CCDC88B: variants seen among roughly 807,000 people sequenced by gnomAD.
CCDC88B encodes the protein coiled-coil domain-containing protein 88B.
In CCDC88B, 138 loss-of-function variants were observed where a neutral mutation model predicts 183.7. That is an observed-to-expected ratio of 0.75 (90% CI 0.65 to 0.87). CCDC88B has a LOEUF of 0.87. Among genes scored for constraint, CCDC88B ranks in the 40% least tolerant of loss-of-function variants. CCDC88B has a pLI of 0.00. For synonymous variants in CCDC88B, 835 were observed against 867.5 expected, an observed-to-expected ratio of 0.96 and a Z score of 0.66; for missense variants, 1,822 against 1,965.6, an observed-to-expected ratio of 0.93 and a Z score of 1.38.
At chr11:64,342,218 T>C in intron 8 of CCDC88B, 76 bp from the exon 9 acceptor site, 2 of 1,582,474 alleles carry the variant, frequency 1.3e-6, no homozygotes, top group Middle Eastern at 1.9e-4. Context: ...CCCTGGTGGC[T>C]ACGGGAGGGG....
At chr11:64,349,168 GC>G (rs2036228665) in intron 14 of CCDC88B, 162 bp from the exon 15 acceptor site, 1 of 859,068 alleles carries the variant, frequency 1.2e-6, no homozygotes, top group African/African-American at 1.7e-5. Flanking sequence ...AGGGCCCCAG[GC>G]TTTGCTCCCA....
chr11:64,346,443 ATT>A (rs561099739), intron 14 of CCDC88B, among the ~76,000 whole-genome samples: 7 of 140,126 alleles, frequency 5.0e-5, no homozygotes, highest in African/African-American at 5.3e-5. Context: ...TACTTTTTGT[ATT>A]TTTTTTTTTT....
chr11:64,344,003 C>T lies in CCDC88B; in HGVS notation c.1462C>T (p.Leu488=), dbSNP rs754871463. ...LQGQPGGQHP[L]LEAPREDPVL... is the part of the protein sequence containing the mutation. Reference sequence around the variant, plus strand: ...CCCTCTCGTATGCCCTCAGCACCCCCTGCTGGAGGCACCGAGAGAGGACCC... The same window carrying T: ...CCCTCTCGTATGCCCTCAGCACCCCTTGCTGGAGGCACCGAGAGAGGACCC... The change falls in exon 14 of 27, where the codon CTG becomes TTG. Residue 488 remains leucine, a synonymous_variant. Coordinates refer to ENST00000356786, the MANE Select transcript of CCDC88B (RefSeq NM_032251.6). The surrounding 1 kb of genome is among the most constrained non-coding windows in gnomAD (Gnocchi z 4.5). The T allele has an allele frequency of 1.3e-6, 2 of 1,555,628 alleles. No individual in the cohort carries two copies. The highest frequency in any genetic ancestry group is 1.7e-6 in the Non-Finnish European group (2 of 1,149,084).
chr11:64,352,159 C>A lies in CCDC88B; in HGVS notation c.3129C>A (p.Gly1043=). 2 of 1,594,876 alleles carry A rather than the reference C, an allele frequency of 1.3e-6. No homozygotes were observed. Among genetic ancestry groups the A allele is most frequent in the Non-Finnish European group, 8.6e-7 (1 of 1,167,006 alleles). ...AGAAGTCTGTGCTGGAGATTCAGGG[C>A]CAGGAGCTGCACCGGAAGCTGGAGG... ...QAEKSVLEIQ[G]QELHRKLEVL... is the part of the protein sequence containing the mutation. Residue 1043 remains glycine, a synonymous_variant, in exon 19 of 27, where the codon GGC becomes GGA. Coordinates refer to ENST00000356786, the MANE Select transcript of CCDC88B (RefSeq NM_032251.6).
In CCDC88B at chr11:64,352,207, G is replaced by A. The variant is rs746584078; in HGVS notation, c.3177G>A (p.Ala1059=). 32 of 1,608,772 alleles carry A rather than the reference G, an allele frequency of 2.0e-5. No individual in the cohort carries two copies. The highest frequency in any genetic ancestry group is 1.7e-4 in the Middle Eastern group (1 of 6,014). ...AGGTGCTGGAGGAGGAGGTGCGGGC[G>A]GCACGGCAGTCCCAGGAGGAGACCC... ...KLEVLEEEVR[A]ARQSQEETRG... The change falls in exon 19 of 27, where the codon GCG becomes GCA. Residue 1059 remains alanine, a synonymous_variant. Transcript: ENST00000356786.
At chr11:64,340,419 C>A in intron 1 of CCDC88B, 93 bp downstream of exon 1, 1 of 1,286,894 alleles carries the variant, frequency 7.8e-7, no homozygotes, top group South Asian at 1.9e-5. Flanking sequence ...GAGGCAGAAC[C>A]AGGCCGGAGG....
In CCDC88B at chr11:64,344,448, C is replaced by A; in HGVS notation, c.1907C>A (p.Pro636His). 6 of 1,592,356 alleles carry A rather than the reference C, an allele frequency of 3.8e-6. No individual in the cohort carries two copies. The highest frequency in any genetic ancestry group is 5.1e-6 in the Non-Finnish European group (6 of 1,169,758). Residue 636 changes from proline (P) to histidine (H), a missense_variant, in exon 14 of 27, where the codon CCT becomes CAT. Physicochemically the swap from Pro to His is moderately conservative, Grantham distance 77 (BLOSUM62 -2). Coordinates refer to ENST00000356786, the MANE Select transcript of CCDC88B (RefSeq NM_032251.6). This position sits in a 1 kb window ranked among gnomAD's most constrained non-coding sequence, Gnocchi z 4.5. ...GREAPQGELV[P>H]EAWGLRQEGP... ...GAGGCTCCCCAAGGCGAGTTGGTGCCTGAGGCCTGGGGGTTGAGACAGGAG... is the reference window on the plus strand; with the variant it reads ...GAGGCTCCCCAAGGCGAGTTGGTGCATGAGGCCTGGGGGTTGAGACAGGAG...
chr11:64,349,906 T>C (rs150966892), intron 16 of CCDC88B: 10 of 573,860 alleles, frequency 1.7e-5, no homozygotes, highest in South Asian at 1.3e-4. Flanking sequence ...CTGCTGTGGA[T>C]GACTGCTCCG....
rs914069715 is a variant in CCDC88B at position 64,344,947 on chromosome 11, G to A, written c.2406G>A (p.Gln802=). ...GGGAGGCAGTGGAGGCTGCTGGCCAGGAGCTGGAGTCTGCGTCCCAGGAAC... is the reference window on the plus strand; with the variant it reads ...GGGAGGCAGTGGAGGCTGCTGGCCAAGAGCTGGAGTCTGCGTCCCAGGAAC... ...RLREAVEAAG[Q]ELESASQERE... Residue 802 remains glutamine (Q), a synonymous_variant, in exon 14 of 27, where the codon CAG becomes CAA. Transcript: ENST00000356786. This position sits in a 1 kb window ranked among gnomAD's most constrained non-coding sequence, Gnocchi z 4.5. The A allele has an allele frequency of 1.3e-6, 2 of 1,556,010 alleles. No individual in the cohort carries two copies. Among genetic ancestry groups the A allele is most frequent in the Non-Finnish European group, 1.7e-6 (2 of 1,151,084 alleles).
In CCDC88B at chr11:64,355,638, G is replaced by A. The variant is rs745658154; in HGVS notation, c.4375+10G>A. ...GATGCCAACCGAGAGGGTGAGTGGG[G>A]GACTGTGGAAGGAGTAGTATTCTTT... On this transcript the variant is annotated intron_variant, in intron 26 of 26. Coordinates refer to ENST00000356786, the MANE Select transcript of CCDC88B (RefSeq NM_032251.6). 5 of 1,606,004 alleles carry A rather than the reference G, an allele frequency of 3.1e-6. No individual in the cohort carries two copies. The South Asian group carries it at 4.4e-5, about 14-fold the overall frequency.
Position 64,344,567 on chromosome 11 carries a change from C to G in CCDC88B, c.2026C>G (p.Gln676Glu). The change falls in exon 14 of 27, where the codon CAA becomes GAA. Residue 676 changes from glutamine to glutamate, a missense_variant. Physicochemically the swap from Gln to Glu is conservative, Grantham distance 29. Transcript: ENST00000356786. This position sits in a 1 kb window ranked among gnomAD's most constrained non-coding sequence, Gnocchi z 4.5. ...PNQGLDLATGQAEAREHDQRL... is the reference protein window; with the variant it reads ...PNQGLDLATGEAEAREHDQRL... ...CCAGGGCCTGGACCTGGCCACGGGA[C>G]AAGCAGAGGCCAGAGAGCATGACCA... The G allele has an allele frequency of 6.2e-7, 1 of 1,606,636 alleles. No homozygotes were observed.
In CCDC88B at chr11:64,353,327, C is replaced by T. The variant is rs201419573; in HGVS notation, c.3688-24C>T. The T allele has an allele frequency of 4.6e-4, 743 of 1,610,046 alleles. 4 individuals carry two copies. The East Asian group carries it at 9.9e-3, about 22-fold the overall frequency. On this transcript the variant is annotated intron_variant, in intron 21 of 26. Transcript: ENST00000356786. ...TGGTCCTGAGCTGGGTCCCACCCTC[C>T]GAGCCATGGTGCCCCCCTGCCAGCT...
rs148105094 is a variant in CCDC88B at position 64,353,486 on chromosome 11, C to T, written c.3823C>T (p.Arg1275Trp). The T allele has an allele frequency of 1.1e-4, 182 of 1,611,402 alleles. No individual in the cohort carries two copies. Among genetic ancestry groups the T allele is most frequent in the African/African-American group, 8.1e-4 (61 of 74,986 alleles). The change falls in exon 22 of 27, where the codon CGG (arginine) becomes TGG (tryptophan). Residue 1275 changes from arginine to tryptophan, a missense_variant. By Grantham distance (101) the Arg-to-Trp change is moderately radical (BLOSUM62 -3). Transcript: ENST00000356786. The stretch of plus-strand genomic sequence containing the variant: ...TCGGGACCACCTGCACCGCGAACAG[C>T]GGGAGTACCTGTGAGTGGGCCGCCT... Reference protein sequence around the residue: ...ESRDHLHREQREYLDQLNALR... With the variant: ...ESRDHLHREQWEYLDQLNALR...
chr11:64,345,123 A>T lies in CCDC88B; in HGVS notation c.2582A>T (p.Glu861Val). ...SEGRQHLEEA[E>V]RERREKEALQ... is the part of the protein sequence containing the mutation. ...GGCCGCCAGCACTTGGAGGAGGCTG[A>T]GAGGGAGCGCCGGGAGAAGGAGGCC... Residue 861 changes from glutamate (E) to valine (V), a missense_variant, in exon 14 of 27, where the codon GAG becomes GTG. Transcript: ENST00000356786. The T allele has an allele frequency of 6.5e-7, 1 of 1,549,172 alleles. No homozygotes were observed. The highest frequency in any genetic ancestry group is 8.7e-7 in the Non-Finnish European group (1 of 1,151,974).
At chr11:64,346,472 G>A (rs1276806237) in intron 14 of CCDC88B, among the ~76,000 whole-genome samples, 1 of 147,992 alleles carries the variant, frequency 6.8e-6, no homozygotes, top group Non-Finnish European at 1.5e-5. Flanking sequence ...ACGGAGTCTC[G>A]CTCTTTCGCC....
intron 9 of CCDC88B, 56 bp from the exon 10 acceptor site, chr11:64,342,466 C>T (rs1249362130): frequency 1.6e-5 from 25 of 1,537,896 alleles, no homozygotes; most frequent in East Asian, 2.4e-5. Flanking sequence ...TCCTTCCCGT[C>T]CCTAATCCCT....
In CCDC88B at chr11:64,349,584, G is replaced by A; in HGVS notation, c.2778G>A (p.Glu926=). 6.2e-7 allele frequency: 1 copy of A among 1,601,356 alleles called. No homozygotes were observed. Among genetic ancestry groups the A allele is most frequent in the South Asian group, 1.1e-5 (1 of 88,706 alleles). ...YQGLEQRLEA[E]LQAAATSKEE... The stretch of plus-strand genomic sequence containing the variant: ...GCTTGGAGCAGCGGCTGGAAGCTGA[G>A]CTGCAGGCGGCGGCGACCAGCAAGG... The change falls in exon 16 of 27, where the codon GAG becomes GAA. Residue 926 remains glutamate, a synonymous_variant. Transcript: ENST00000356786.
chr11:64,349,058 G>A (rs774231874), intron 14 of CCDC88B: 2 of 716,936 alleles, frequency 2.8e-6, no homozygotes, highest in African/African-American at 1.7e-5. Context: ...GAGAGGTGAC[G>A]GCACTTGCCC....
intron 14 of CCDC88B, among the ~76,000 whole-genome samples, chr11:64,346,630 C>T (rs1183119194): frequency 3.3e-5 from 5 of 151,758 alleles, no homozygotes; most frequent in Non-Finnish European, 7.4e-5. Flanking sequence ...TTAGTAGAGA[C>T]GGGGTTTCAC....
Sources: gnomAD v4.1 joint callset for allele counts (sites outside exome capture counted in the v4.1 genomes callset) on GRCh38, gnomAD v4.1.1 for gene constraint, Gnocchi (gnomAD v3.1) non-coding constraint, MANE v1.5 for transcripts, NCBI Gene and HGNC (gene_info 2026-07-23, HGNC 2026-07-21) for gene names.